The following TRABD2B variants were observed in gnomAD, a reference collection of about 807,000 sequenced individuals.
The protein encoded by TRABD2B is TraB domain containing 2B.
A neutral mutation model predicts 40.1 loss-of-function variants in TRABD2B; 14 were observed. That is an observed-to-expected ratio of 0.35 (90% CI 0.23 to 0.55). TRABD2B has a LOEUF of 0.55. Ranked by LOEUF, TRABD2B falls within the 20% of genes least tolerant of loss-of-function variation. TRABD2B has a pLI of 0.90. For missense variants in TRABD2B, 541 were observed against 648.6 expected (o/e 0.83, Z 1.80); for synonymous variants, 263 against 277.0 (o/e 0.95, Z 0.50).
At chr1:47,831,070 GTT>G (rs1645241390) in intron 2 of TRABD2B, among the ~76,000 whole-genome samples, 1 of 9,676 alleles carries the variant, frequency 1.0e-4, no homozygotes, top group Non-Finnish European at 1.2e-3. Context: ...TCTGTCCTTG[GTT>G]GCCACGTGTC....
chr1:47,780,129 A>C (rs1307249296), intron 4 of TRABD2B, among the ~76,000 whole-genome samples: 2 of 152,046 alleles, frequency 1.3e-5, no homozygotes, highest in Non-Finnish European at 1.5e-5. Context: ...ACCATGCCTG[A>C]CTATGTGCCA....
At position 47,996,467 on chromosome 1, in the gene TRABD2B, G is replaced by A. The variant is rs1557703831; in HGVS notation, c.102+221C>T. Among the ~76,000 whole-genome samples, 2 of 152,178 alleles carry A rather than the reference G, an allele frequency of 1.3e-5. No homozygotes were observed. Among genetic ancestry groups the A allele is most frequent in the Admixed American group, 6.5e-5 (1 of 15,272 alleles). On this transcript the variant is annotated intron_variant, in intron 1 of 6. Transcript: ENST00000606738. The surrounding 1 kb of genome is among the most constrained non-coding windows in gnomAD (Gnocchi z 4.6). The stretch of plus-strand genomic sequence containing the variant: ...AAGAGGAGAGCCCCAGAGCGGCAGC[G>A]TGTGGAGAAGGAACCGGAGAGGGAG...
intron 2 of TRABD2B, among the ~76,000 whole-genome samples, chr1:47,882,040 T>C (rs1332410008): frequency 6.6e-6 from 1 of 152,222 alleles, no homozygotes; most frequent in Non-Finnish European, 1.5e-5. Flanking sequence ...GTGTGCCTTC[T>C]GCCCTCAGAA....
intron 6 of TRABD2B, among the ~76,000 whole-genome samples, chr1:47,770,753 C>T (rs3844087): frequency 0.5 from 76,698 of 152,112 alleles, 19,893 homozygotes; most frequent in East Asian, 0.89. Context: ...ATGTTCCTGT[C>T]AAACTGGGGG....
chr1:47,916,781 C>G (rs1644835587), intron 2 of TRABD2B, among the ~76,000 whole-genome samples: 1 of 152,204 alleles, frequency 6.6e-6, no homozygotes. Flanking sequence ...TTCTCCTTCT[C>G]TATTCAAACC....
Position 47,898,254 on chromosome 1 carries a change from C to G in TRABD2B, c.666+95780G>C, listed in dbSNP as rs190771259. On this transcript the variant is annotated intron_variant, in intron 2 of 6. Coordinates refer to ENST00000606738, the MANE Select transcript of TRABD2B (RefSeq NM_001194986.2). ...ATGGCAAGAAAAACAGTCACAACCT[C>G]CCCCATTCCCAGAGGCCTCCGCCCC... 3.3e-5 allele frequency among the ~76,000 whole-genome samples: 5 copies of G among 152,294 alleles called. No homozygotes were observed. The East Asian group carries it at 9.7e-4, about 29-fold the overall frequency.
intron 2 of TRABD2B, among the ~76,000 whole-genome samples, chr1:47,816,915 T>C (rs985842436): frequency 6.6e-6 from 1 of 152,178 alleles, no homozygotes; most frequent in African/African-American, 2.4e-5. Context: ...AAGTAAGTGG[T>C]GGATGAATGA....
intron 2 of TRABD2B, among the ~76,000 whole-genome samples, chr1:47,944,444 G>A (rs1173271370): frequency 1.3e-5 from 2 of 152,202 alleles, no homozygotes; most frequent in African/African-American, 4.8e-5. Context: ...AGAGTCAGAG[G>A]TGCAAGCAAC....
intron 2 of TRABD2B, among the ~76,000 whole-genome samples, chr1:47,907,082 A>T (rs1252130421): frequency 1.3e-5 from 2 of 152,160 alleles, no homozygotes; most frequent in Non-Finnish European, 2.9e-5. Context: ...GGAAGTGGGG[A>T]GTCTGGCTCC....
intron 2 of TRABD2B, among the ~76,000 whole-genome samples, chr1:47,903,635 C>G (rs1644635395): frequency 6.6e-6 from 1 of 152,124 alleles, no homozygotes; most frequent in Non-Finnish European, 1.5e-5. Flanking sequence ...GAAGCCAAAG[C>G]TGAAGCTCCA....
chr1:47,778,175 C>T (rs1644473233), intron 5 of TRABD2B, among the ~76,000 whole-genome samples: 1 of 152,140 alleles, frequency 6.6e-6, no homozygotes, highest in Non-Finnish European at 1.5e-5. Context: ...CTACTGAGTC[C>T]CTCTACCCCC....
At chr1:47,992,501 G>A (rs1280510266) in intron 2 of TRABD2B, among the ~76,000 whole-genome samples, 1 of 152,202 alleles carries the variant, frequency 6.6e-6, no homozygotes, top group Non-Finnish European at 1.5e-5. Flanking sequence ...GGTGCAAAGA[G>A]AGTGTTGAGA....
intron 2 of TRABD2B, among the ~76,000 whole-genome samples, chr1:47,838,465 G>A (rs1486651666): frequency 6.6e-6 from 1 of 152,204 alleles, no homozygotes; most frequent in African/African-American, 2.4e-5. Flanking sequence ...TGCAGGCTCT[G>A]TGAGGCTCTG....
intron 2 of TRABD2B, among the ~76,000 whole-genome samples, chr1:47,924,238 C>A (rs1227712011): frequency 2.0e-5 from 3 of 152,192 alleles, no homozygotes; most frequent in Admixed American, 1.3e-4. Context: ...ATCTTGGCTG[C>A]TTCCAGGAAC....
At chr1:47,793,190 G>A (rs1270413850) in intron 4 of TRABD2B, among the ~76,000 whole-genome samples, 2 of 152,184 alleles carry the variant, frequency 1.3e-5, no homozygotes, top group Non-Finnish European at 2.9e-5. Context: ...GCCCAAGTGA[G>A]TCCTGGCTCT....
chr1:47,884,303 T>C (rs981031797), intron 2 of TRABD2B, among the ~76,000 whole-genome samples: 1 of 152,264 alleles, frequency 6.6e-6, no homozygotes, highest in African/African-American at 2.4e-5. Flanking sequence ...GGAATTTTCC[T>C]GTCCTTTTTC....
chr1:47,960,260 A>C (rs1209715863), intron 2 of TRABD2B, among the ~76,000 whole-genome samples: 1 of 152,356 alleles, frequency 6.6e-6, no homozygotes, highest in East Asian at 1.9e-4. Context: ...CCCATATCAT[A>C]CTGAATGGGC....
chr1:47,994,560 C>T lies in TRABD2B; in HGVS notation c.140G>A (p.Arg47His). 2.0e-6 allele frequency: 3 copies of T among 1,535,964 alleles called. No individual in the cohort carries two copies. Among genetic ancestry groups the T allele is most frequent in the East Asian group, 2.4e-5 (1 of 40,900 alleles). ...GCCAAACAGGTAGGCCGGAGGATCA[C>T]GCCGAATCGTCCACAGGAAGGAGTT... Reference protein sequence around the residue: ...DLNSFLWTIRRDPPAYLFGTI... With the variant: ...DLNSFLWTIRHDPPAYLFGTI... Residue 47 changes from arginine to histidine, a missense_variant, in exon 2 of 7, where the codon CGT becomes CAT. Coordinates refer to ENST00000606738, the MANE Select transcript of TRABD2B (RefSeq NM_001194986.2). This position sits in a 1 kb window ranked among gnomAD's most constrained non-coding sequence, Gnocchi z 6.7.
At chr1:47,934,170 C>T (rs1339525041) in intron 2 of TRABD2B, among the ~76,000 whole-genome samples, 2 of 152,208 alleles carry the variant, frequency 1.3e-5, no homozygotes, top group African/African-American at 4.8e-5. Flanking sequence ...GGAAGTTGAA[C>T]CTTAGAGAGA....
Sources: gnomAD v4.1 joint callset for allele counts (sites outside exome capture counted in the v4.1 genomes callset) on GRCh38, gnomAD v4.1.1 for gene constraint, Gnocchi (gnomAD v3.1) non-coding constraint, MANE v1.5 for transcripts, NCBI Gene and HGNC (gene_info 2026-07-23, HGNC 2026-07-21) for gene names.